PDE4D: variants seen among roughly 807,000 people sequenced by gnomAD.
The protein encoded by PDE4D is 3',5'-cyclic-AMP phosphodiesterase 4D.
PDE4D carries 24 observed loss-of-function variants against 87.4 expected under a neutral mutation model. The observed-to-expected ratio is 0.27, with a 90% CI of 0.20 to 0.39. The LOEUF (loss-of-function observed/expected upper bound fraction) is 0.39, where lower values mean the gene tolerates loss of function less well. Ranked by LOEUF, PDE4D falls within the 10% of genes least tolerant of loss-of-function variation. PDE4D has a pLI of 1.00. For missense variants in PDE4D, 714 were observed against 1,041.0 expected, an observed-to-expected ratio of 0.69 and a Z score of 4.32; for synonymous variants, 384 against 383.2, an observed-to-expected ratio of 1.00 and a Z score of -0.02.
intron 10 of PDE4D, among the ~76,000 whole-genome samples, chr5:58,989,457 A>G (rs540642600): frequency 2.0e-5 from 3 of 152,070 alleles, no homozygotes; most frequent in Non-Finnish European, 4.4e-5. Flanking sequence ...CTAGATTTCA[A>G]GAAAACAAAT....
At chr5:59,940,546 T>G (rs887777794) in intron 3 of PDE4D, among the ~76,000 whole-genome samples, 6 of 152,314 alleles carry the variant, frequency 3.9e-5, no homozygotes, top group African/African-American at 1.4e-4. Context: ...GAGATTTATC[T>G]CAGAGTTTTG....
chr5:59,793,950 C>T (rs868646862), intron 1 of PDE4D, among the ~76,000 whole-genome samples: 3 of 152,288 alleles, frequency 2.0e-5, no homozygotes, highest in Middle Eastern at 6.8e-3. Context: ...CTCATATATA[C>T]AGCTCCTGTG....
chr5:60,102,366 C>G (rs548208710), intron 2 of PDE4D, among the ~76,000 whole-genome samples: 1 of 152,008 alleles, frequency 6.6e-6, no homozygotes, highest in Admixed American at 6.6e-5. Context: ...CTCGACCAAG[C>G]CTTTTGAATT....
At chr5:60,108,183 A>G (rs906481505) in intron 2 of PDE4D, among the ~76,000 whole-genome samples, 34 of 151,864 alleles carry the variant, frequency 2.2e-4, no homozygotes, top group African/African-American at 7.7e-4. Context: ...AAATCAATGT[A>G]CAAAAATCAC....
At chr5:60,132,127 A>G (rs932753630) in intron 2 of PDE4D, among the ~76,000 whole-genome samples, 2 of 152,232 alleles carry the variant, frequency 1.3e-5, no homozygotes, top group Non-Finnish European at 2.9e-5. Context: ...AAAGGAAAAC[A>G]AAAACCATGT....
chr5:60,074,135 C>A (rs369606086), intron 2 of PDE4D, among the ~76,000 whole-genome samples: 3 of 152,164 alleles, frequency 2.0e-5, no homozygotes, highest in African/African-American at 7.2e-5. Flanking sequence ...TATTTTAAAT[C>A]TTTCTAACTT....
intron 1 of PDE4D, among the ~76,000 whole-genome samples, chr5:60,236,539 A>C (rs1050765973): frequency 1.3e-5 from 2 of 151,928 alleles, no homozygotes; most frequent in African/African-American, 4.8e-5. Flanking sequence ...CTCCCTAAAA[A>C]TGTCTACACC....
At position 59,571,950 on chromosome 5, in the gene PDE4D, G is replaced by A. The variant is rs547497048; in HGVS notation, c.455+321218C>T. On this transcript the variant is annotated intron_variant, in intron 1 of 14. Transcript: ENST00000340635. ...ATAAATTCCAGAAGCTTTGGCATTC[G>A]TCTACATCCTCTTTCCAGACTGCTT... is the stretch of plus-strand genomic sequence containing the variant. Among the ~76,000 whole-genome samples, 38 of 152,234 alleles carry A rather than the reference G, an allele frequency of 2.5e-4. 1 individual carries two copies. Among genetic ancestry groups the A allele is most frequent in the African/African-American group, 6.5e-4 (27 of 41,550 alleles).
At chr5:59,501,394 C>T (rs1174230762) in intron 1 of PDE4D, among the ~76,000 whole-genome samples, 2 of 152,158 alleles carry the variant, frequency 1.3e-5, no homozygotes, top group Admixed American at 1.3e-4. Context: ...AGAACAGCTC[C>T]TGACCTTAAG....
chr5:60,013,541 C>T (rs1335086150), intron 2 of PDE4D, among the ~76,000 whole-genome samples: 4 of 152,102 alleles, frequency 2.6e-5, no homozygotes, highest in South Asian at 2.1e-4. Context: ...TTCTATTTTA[C>T]AAGCAGCAAA....
intron 3 of PDE4D, among the ~76,000 whole-genome samples, chr5:59,189,247 T>TTG (rs1561663415): frequency 2.0e-5 from 2 of 102,508 alleles, no homozygotes. Flanking sequence ...TTTTTTTGTT[T>TTG]TTTTTGTTTT....
chr5:59,156,331 A>ATATATATATATATATATGTGTG (rs1384479557), intron 5 of PDE4D, among the ~76,000 whole-genome samples: 3 of 122,766 alleles, frequency 2.4e-5, no homozygotes, highest in African/African-American at 1.0e-4. Flanking sequence ...ATATATATAT[A>ATATATATATATATATATGTGTG]TGTGTGTGTG....
intron 2 of PDE4D, among the ~76,000 whole-genome samples, chr5:60,006,589 G>A (rs1764499013): frequency 6.6e-6 from 1 of 151,872 alleles, no homozygotes; most frequent in East Asian, 1.9e-4. Flanking sequence ...AAATTGCTAA[G>A]TATTCCTCAG....
In PDE4D at chr5:59,057,127, G is replaced by A. The variant is rs114029333; in HGVS notation, c.809-18156C>T. On this transcript the variant is annotated intron_variant, in intron 5 of 14. Transcript: ENST00000340635. Reference sequence around the variant, plus strand: ...GAAACCTGGCACTTAAATTTAACCTGTTTGGTTAGATCCAGCTCTGCCTCC... The same window carrying A: ...GAAACCTGGCACTTAAATTTAACCTATTTGGTTAGATCCAGCTCTGCCTCC... Among the ~76,000 whole-genome samples the A allele has an allele frequency of 9.3e-3, 1,421 of 152,252 alleles. 17 individuals carry two copies. Among genetic ancestry groups the A allele is most frequent in the Non-Finnish European group, 0.012 (846 of 67,998 alleles).
chr5:59,846,968 C>T (rs1743952952), intron 1 of PDE4D, among the ~76,000 whole-genome samples: 1 of 152,018 alleles, frequency 6.6e-6, no homozygotes, highest in African/African-American at 2.4e-5. Flanking sequence ...TGCGAGTTTT[C>T]AACCTCTGCC....
At chr5:60,047,968 T>G (rs181421944) in intron 2 of PDE4D, among the ~76,000 whole-genome samples, 44 of 152,306 alleles carry the variant, frequency 2.9e-4, no homozygotes, top group Admixed American at 2.7e-3. Flanking sequence ...AGTGGGGTGT[T>G]AAAGTCTCCC....
At chr5:60,052,807 A>G (rs538771213) in intron 2 of PDE4D, among the ~76,000 whole-genome samples, 4 of 152,304 alleles carry the variant, frequency 2.6e-5, no homozygotes, top group African/African-American at 7.2e-5. Flanking sequence ...CTCAGGCCCA[A>G]ATCTCCTTAA....
intron 1 of PDE4D, among the ~76,000 whole-genome samples, chr5:59,522,556 T>A (rs1812430143): frequency 6.6e-6 from 1 of 152,250 alleles, no homozygotes. Flanking sequence ...TAACTATTAA[T>A]GTACCAAAGC....
intron 1 of PDE4D, among the ~76,000 whole-genome samples, chr5:60,217,144 T>C (rs938005114): frequency 1.3e-5 from 2 of 152,024 alleles, no homozygotes; most frequent in Non-Finnish European, 2.9e-5. Flanking sequence ...GAGGACATTA[T>C]ACCAAGTGCA....
Sources: allele counts gnomAD v4.1 joint callset (sites outside exome capture counted in the v4.1 genomes callset), GRCh38; gene constraint gnomAD v4.1.1; transcripts MANE v1.5; gene names NCBI Gene and HGNC (gene_info 2026-07-23, HGNC 2026-07-21).